The following TRPM8 variants were observed in gnomAD, a reference collection of about 807,000 sequenced individuals.
TRPM8 encodes transient receptor potential cation channel subfamily M member 8.
In TRPM8, 110 loss-of-function variants were observed where a neutral mutation model predicts 133.7. That is an observed-to-expected ratio of 0.82 (90% CI 0.70 to 0.96). The LOEUF is 0.96. TRPM8 is among the 40% of genes least tolerant of loss of function. The pLI is 0.00. For missense variants in TRPM8, 1,291 were observed against 1,379.5 expected (o/e 0.94, Z 1.02); for synonymous variants, 535 against 532.3 (o/e 1.01, Z -0.07).
At chr2:233,959,786 G>A (rs981382255) in intron 11 of TRPM8, among the ~76,000 whole-genome samples, 1 of 151,528 alleles carries the variant, frequency 6.6e-6, no homozygotes, top group South Asian at 2.1e-4. Flanking sequence ...AGTAAACATC[G>A]ATGATCTTTT....
rs773975736 is a variant in TRPM8 at position 233,950,154 on chromosome 2, G to T, written c.1140+8G>T. ...GAGAGTTGGATCAAATGGGTAAGTT[G>T]TCGGGACCATGTCTGAGGGCTGAGA... On this transcript the variant is annotated splice_region_variant and intron_variant, in intron 9 of 25. Coordinates refer to ENST00000324695, the MANE Select transcript of TRPM8 (RefSeq NM_024080.5). 6.2e-7 allele frequency: 1 copy of T among 1,611,032 alleles called. No homozygotes were observed.
chr2:233,921,031 G>A (rs1691395140), intron 1 of TRPM8, among the ~76,000 whole-genome samples: 1 of 151,516 alleles, frequency 6.6e-6, no homozygotes, highest in South Asian at 2.1e-4. Flanking sequence ...TAATTTTTTG[G>A]TATTTTTTTA....
At chr2:233,974,534 CA>C (rs1205171300) in intron 17 of TRPM8, among the ~76,000 whole-genome samples, 1 of 152,078 alleles carries the variant, frequency 6.6e-6, no homozygotes, top group Admixed American at 6.5e-5. Flanking sequence ...GCTCGGCCAC[CA>C]AAAGGTTTTG....
intron 2 of TRPM8, among the ~76,000 whole-genome samples, chr2:233,928,692 T>G (rs2125048576): frequency 6.6e-6 from 1 of 152,292 alleles, no homozygotes; most frequent in Non-Finnish European, 1.5e-5. Context: ...TGTTGAAAGA[T>G]ACAAAGAAAA....
chr2:233,927,749 T>C lies in TRPM8; in HGVS notation c.117+1095T>C, dbSNP rs954076414. 1.4e-4 allele frequency among the ~76,000 whole-genome samples: 9 copies of C among 65,386 alleles called. No individual in the cohort carries two copies. The African/African-American group carries it at 2.0e-3, about 15-fold the overall frequency. 42.9% of individuals were successfully genotyped at this position (65,386 alleles called of 152,430 possible). A position where few individuals can be genotyped will look rare whatever the true frequency, so the allele number is the denominator to read the frequency against. ...TTCTTTCTTTCTTTCTTTCTTTCTT[T>C]CTTTCTTTCTTTCTTTCTTTCTTTC... On this transcript the variant is annotated intron_variant, in intron 2 of 25. Transcript: ENST00000324695.
chr2:233,995,526 T>A (rs1198412701), intron 21 of TRPM8, among the ~76,000 whole-genome samples: 1 of 152,244 alleles, frequency 6.6e-6, no homozygotes, highest in Non-Finnish European at 1.5e-5. Context: ...TCTATTTCTC[T>A]TTGTGAATTG....
At chr2:233,938,577 C>A (rs1187951010) in intron 4 of TRPM8, among the ~76,000 whole-genome samples, 1 of 152,172 alleles carries the variant, frequency 6.6e-6, no homozygotes, top group South Asian at 2.1e-4. Flanking sequence ...GGACAACTCA[C>A]GAAGCAAAGG....
chr2:233,931,041 A>G (rs1210058102), intron 3 of TRPM8, among the ~76,000 whole-genome samples: 1 of 152,208 alleles, frequency 6.6e-6, no homozygotes, highest in East Asian at 1.9e-4. Flanking sequence ...TGGTAATGAA[A>G]GTTGTTTTAC....
chr2:233,944,059 C>A lies in TRPM8; in HGVS notation c.699+1311C>A, dbSNP rs148238756. 3.6e-3 allele frequency among the ~76,000 whole-genome samples: 549 copies of A among 151,916 alleles called. 25 individuals are homozygous for A. Among genetic ancestry groups the A allele is most frequent in the Admixed American group, 0.031 (473 of 15,272 alleles). On this transcript the variant is annotated intron_variant, in intron 6 of 25. Coordinates refer to ENST00000324695, the MANE Select transcript of TRPM8 (RefSeq NM_024080.5). Reference sequence around the variant, plus strand: ...GACAGAGAAGTTGGGGTTGGAGTAACCATTCCTTTTCTAGCTGCATAGTCT... The same window carrying A: ...GACAGAGAAGTTGGGGTTGGAGTAAACATTCCTTTTCTAGCTGCATAGTCT...
chr2:233,929,545 C>A (rs1691641155), intron 2 of TRPM8, among the ~76,000 whole-genome samples: 1 of 152,222 alleles, frequency 6.6e-6, no homozygotes, highest in Admixed American at 6.5e-5. Context: ...TGTCTGAGAA[C>A]TCCAGCTGCC....
At chr2:233,988,856 A>G (rs1304662389) in intron 21 of TRPM8, among the ~76,000 whole-genome samples, 1 of 152,198 alleles carries the variant, frequency 6.6e-6, no homozygotes, top group East Asian at 1.9e-4. Flanking sequence ...GCAGCAGGTT[A>G]TGGGTGATTA....
chr2:233,947,512 A>C, intron 8 of TRPM8: 1 of 1,309,332 alleles, frequency 7.6e-7, no homozygotes, highest in Non-Finnish European at 1.0e-6. Context: ...GATCATACAC[A>C]CACAGATTGC....
intron 25 of TRPM8, among the ~76,000 whole-genome samples, chr2:234,016,183 A>T (rs1474301253): frequency 1.3e-5 from 2 of 152,156 alleles, no homozygotes; most frequent in Non-Finnish European, 2.9e-5. Flanking sequence ...AGAGAAGGAC[A>T]TCACTTATTT....
intron 22 of TRPM8, among the ~76,000 whole-genome samples, chr2:234,000,771 C>T (rs928059438): frequency 3.3e-5 from 5 of 151,826 alleles, no homozygotes; most frequent in Non-Finnish European, 5.9e-5. Context: ...CTCCACCTCC[C>T]GAGTTCAAGC....
At chr2:234,008,974 C>T (rs191071884) in intron 24 of TRPM8, among the ~76,000 whole-genome samples, 33 of 152,262 alleles carry the variant, frequency 2.2e-4, no homozygotes, top group South Asian at 6.2e-4. Context: ...GTCTAGAGAA[C>T]GATGGGTTGT....
intron 20 of TRPM8, 46 bp downstream of exon 20, chr2:233,983,270 T>C (rs745397796): frequency 3.1e-6 from 5 of 1,612,508 alleles, no homozygotes; most frequent in Non-Finnish European, 4.2e-6. Context: ...AGGAGGCATT[T>C]GCTCCCTGAA....
intron 2 of TRPM8, among the ~76,000 whole-genome samples, chr2:233,927,412 C>T (rs1023073458): frequency 3.3e-5 from 5 of 152,270 alleles, no homozygotes; most frequent in South Asian, 2.1e-4. Context: ...TCCCAGGGCC[C>T]GGGCTAGGCA....
chr2:233,961,121 C>T lies in TRPM8; in HGVS notation c.1653+55C>T, dbSNP rs1019992123. ...TTCTCGGATATTTTGAGGCTTCCCT[C>T]ATAAGATATCTCCATTTTCCCTACT... On this transcript the variant is annotated intron_variant, in intron 12 of 25. Coordinates refer to ENST00000324695, the MANE Select transcript of TRPM8 (RefSeq NM_024080.5). 3.3e-6 allele frequency: 5 copies of T among 1,534,732 alleles called. 1 individual carries two copies. Among genetic ancestry groups the T allele is most frequent in the Admixed American group, 3.6e-5 (2 of 55,376 alleles).
At chr2:233,963,054 A>G (rs1264449458) in intron 12 of TRPM8, among the ~76,000 whole-genome samples, 2 of 152,322 alleles carry the variant, frequency 1.3e-5, no homozygotes, top group East Asian at 1.9e-4. Flanking sequence ...TTCACCCTTT[A>G]TACCTTTTCA....
Sources: allele counts gnomAD v4.1 joint callset (sites outside exome capture counted in the v4.1 genomes callset), GRCh38; gene constraint gnomAD v4.1.1; transcripts MANE v1.5; gene names NCBI Gene and HGNC (gene_info 2026-07-23, HGNC 2026-07-21).